CLSTN1: variants seen among roughly 807,000 people sequenced by gnomAD.
The protein encoded by CLSTN1 is calsyntenin 1.
CLSTN1 carries 28 observed loss-of-function variants against 108.3 expected under a neutral mutation model. That is an observed-to-expected ratio of 0.26 (90% CI 0.19 to 0.35). CLSTN1 has a LOEUF of 0.35. CLSTN1 is among the 10% of genes least tolerant of loss of function. The pLI is 1.00. For synonymous variants in CLSTN1, 524 were observed against 534.9 expected, an observed-to-expected ratio of 0.98 and a Z score of 0.28; for missense variants, 1,157 against 1,302.6, an observed-to-expected ratio of 0.89 and a Z score of 1.72.
intron 1 of CLSTN1, among the ~76,000 whole-genome samples, chr1:9,803,034 G>C (rs1206339570): frequency 6.6e-6 from 1 of 151,954 alleles, no homozygotes; most frequent in Non-Finnish European, 1.5e-5. Flanking sequence ...ATGTTGTCCA[G>C]GCTGGTCTCA....
intron 2 of CLSTN1, among the ~76,000 whole-genome samples, chr1:9,757,651 T>C (rs1651883348): frequency 6.6e-6 from 1 of 152,226 alleles, no homozygotes; most frequent in Non-Finnish European, 1.5e-5. Flanking sequence ...TAATGGAACA[T>C]CTGCTTAAAT....
In CLSTN1 at chr1:9,730,405, C is replaced by G. The variant is rs997996836; in HGVS notation, c.*103G>C. ...TCGTGGCGGGGAGGGGTCTGCACACCTACTGGCCGAAATGACTTTGTACAT... is the reference window on the plus strand; with the variant it reads ...TCGTGGCGGGGAGGGGTCTGCACACGTACTGGCCGAAATGACTTTGTACAT... On this transcript the variant is annotated 3_prime_UTR_variant, in exon 19 of 19. Coordinates refer to ENST00000377298, the MANE Select transcript of CLSTN1 (RefSeq NM_001009566.3). This position sits in a 1 kb window ranked among gnomAD's most constrained non-coding sequence, Gnocchi z 5.6. 1 of 1,109,556 alleles carries G rather than the reference C, an allele frequency of 9.0e-7. No individual in the cohort carries two copies. The highest frequency in any genetic ancestry group is 1.3e-6 in the Non-Finnish European group (1 of 748,658). 68.7% of individuals were successfully genotyped at this position (1,109,556 alleles called of 1,614,324 possible).
At chr1:9,753,493 A>AT (rs112701748) in intron 4 of CLSTN1, among the ~76,000 whole-genome samples, 1,690 of 143,114 alleles carry the variant, frequency 0.012, 16 homozygotes, top group East Asian at 0.044. Context: ...GCAGTGACTA[A>AT]TTTTTTTTTT....
In CLSTN1 at chr1:9,768,048, G is replaced by A. The variant is rs562337727; in HGVS notation, c.214+5224C>T. On this transcript the variant is annotated intron_variant, in intron 2 of 18. Coordinates refer to ENST00000377298, the MANE Select transcript of CLSTN1 (RefSeq NM_001009566.3). ...ATCCTTTTACAAATGATGAAATGGA[G>A]GCACAGAAAGGGTAAGTAATTTGCC... Among the ~76,000 whole-genome samples, 14 of 152,262 alleles carry A rather than the reference G, an allele frequency of 9.2e-5. No homozygotes were observed. In the Middle Eastern group the frequency reaches 0.01, roughly 111 times the overall value.
intron 1 of CLSTN1, among the ~76,000 whole-genome samples, chr1:9,809,844 T>G (rs1654656478): frequency 6.8e-6 from 1 of 147,518 alleles, no homozygotes; most frequent in East Asian, 2.1e-4. Flanking sequence ...GAGGTTGCAG[T>G]GAACCGAGAT....
chr1:9,766,833 C>A (rs1287010461), intron 2 of CLSTN1, among the ~76,000 whole-genome samples: 1 of 152,226 alleles, frequency 6.6e-6, no homozygotes, highest in Non-Finnish European at 1.5e-5. Flanking sequence ...AGGAAACAAT[C>A]CGGGCGAGAC....
intron 2 of CLSTN1, among the ~76,000 whole-genome samples, chr1:9,763,025 A>C (rs1042161651): frequency 6.6e-6 from 1 of 151,932 alleles, no homozygotes; most frequent in African/African-American, 2.4e-5. Flanking sequence ...GCAGTGGCAC[A>C]ACCTCAGCTC....
chr1:9,788,346 G>A (rs535420326), intron 1 of CLSTN1, among the ~76,000 whole-genome samples: 2 of 151,470 alleles, frequency 1.3e-5, no homozygotes, highest in African/African-American at 4.8e-5. Context: ...CGACATGGGT[G>A]GATCACCTGA....
intron 1 of CLSTN1, among the ~76,000 whole-genome samples, chr1:9,808,104 T>C (rs1280125288): frequency 2.0e-5 from 3 of 152,162 alleles, no homozygotes; most frequent in Non-Finnish European, 4.4e-5. Flanking sequence ...AGGGTAGTGG[T>C]TCCAGGACGC....
intron 1 of CLSTN1, among the ~76,000 whole-genome samples, chr1:9,797,876 T>C (rs900868131): frequency 7.2e-5 from 11 of 151,782 alleles, no homozygotes; most frequent in African/African-American, 2.4e-4. Context: ...GGCAGATCAC[T>C]TGCGACCAGG....
chr1:9,774,334 C>G (rs149439697), intron 1 of CLSTN1, among the ~76,000 whole-genome samples: 200 of 151,992 alleles, frequency 1.3e-3, no homozygotes, highest in African/African-American at 4.6e-3. Context: ...GGGAGGCTGA[C>G]GAGGGCGGAT....
chr1:9,736,119 G>A, intron 11 of CLSTN1, 77 bp from the exon 12 acceptor site: 1 of 1,575,748 alleles, frequency 6.3e-7, no homozygotes, highest in Non-Finnish European at 8.7e-7. Context: ...TCAACACGGT[G>A]TTACCGGTGC....
Position 9,823,791 on chromosome 1 carries a change from G to T in CLSTN1, c.-58C>A. On this transcript the variant is annotated 5_prime_UTR_variant, in exon 1 of 19. Transcript: ENST00000377298. The surrounding 1 kb of genome is among the most constrained non-coding windows in gnomAD (Gnocchi z 6.3). ...CGCGGGACGCCGAGCGGAGCTCTCG[G>T]AGCTCTCGGGGCTCTAGGGGCCTGG... 1 of 890,840 alleles carries T rather than the reference G, an allele frequency of 1.1e-6. No individual in the cohort carries two copies. Among genetic ancestry groups the T allele is most frequent in the South Asian group, 5.1e-5 (1 of 19,748 alleles). The allele number at this position is 890,840 out of a possible 1,614,324, so 55.2% of individuals were successfully genotyped here.
At position 9,823,416 on chromosome 1, in the gene CLSTN1, G is replaced by A. The variant is rs1402462620; in HGVS notation, c.91+227C>T. 1.3e-5 allele frequency among the ~76,000 whole-genome samples: 2 copies of A among 152,088 alleles called. No homozygotes were observed. The highest frequency in any genetic ancestry group is 2.9e-5 in the Non-Finnish European group (2 of 67,976). Reference sequence around the variant, plus strand: ...GGGACGCCTGCAGCGCGCGCCCACAGTCTCCTGCGCCCTGGCCCCGGCTCC... The same window carrying A: ...GGGACGCCTGCAGCGCGCGCCCACAATCTCCTGCGCCCTGGCCCCGGCTCC... On this transcript the variant is annotated intron_variant, in intron 1 of 18. Transcript: ENST00000377298. The surrounding 1 kb of genome is among the most constrained non-coding windows in gnomAD (Gnocchi z 6.3).
At chr1:9,753,190 G>T (rs959433719) in intron 4 of CLSTN1, among the ~76,000 whole-genome samples, 1 of 152,172 alleles carries the variant, frequency 6.6e-6, no homozygotes, top group African/African-American at 2.4e-5. Context: ...TCCCTGGCAT[G>T]CTCAGTTCAC....
chr1:9,759,002 A>C (rs1651945426), intron 2 of CLSTN1, among the ~76,000 whole-genome samples: 1 of 152,080 alleles, frequency 6.6e-6, no homozygotes, highest in Non-Finnish European at 1.5e-5. Flanking sequence ...AATGTGAAAA[A>C]TCCAGTTCCT....
At chr1:9,816,539 A>ATT (rs1654979244) in intron 1 of CLSTN1, among the ~76,000 whole-genome samples, 3 of 147,406 alleles carry the variant, frequency 2.0e-5, no homozygotes, top group Admixed American at 7.0e-5. Context: ...GCTGCTTTAA[A>ATT]AAAAAAAAAA....
At position 9,800,485 on chromosome 1, in the gene CLSTN1, C is replaced by G. The variant is rs564955097; in HGVS notation, c.91+23158G>C. Among the ~76,000 whole-genome samples the G allele has an allele frequency of 9.5e-5, 14 of 148,018 alleles. No homozygotes were observed. The East Asian group carries it at 2.6e-3, about 27-fold the overall frequency. Reference sequence around the variant, plus strand: ...CTGTAATCCCAGAACTTTGGGAGGCCGAGACAGGAGGATCACGAGGTCAGG... The same window carrying G: ...CTGTAATCCCAGAACTTTGGGAGGCGGAGACAGGAGGATCACGAGGTCAGG... On this transcript the variant is annotated intron_variant, in intron 1 of 18. Transcript: ENST00000377298.
At chr1:9,754,309 C>T (rs1651707690) in intron 4 of CLSTN1, among the ~76,000 whole-genome samples, 2 of 152,252 alleles carry the variant, frequency 1.3e-5, no homozygotes, top group South Asian at 4.1e-4. Context: ...CGCCTGTAAT[C>T]CTAGCACTTT....
Sources: allele counts gnomAD v4.1 joint callset (sites outside exome capture counted in the v4.1 genomes callset), GRCh38; gene constraint gnomAD v4.1.1; non-coding constraint Gnocchi (gnomAD v3.1); transcripts MANE v1.5; gene names NCBI Gene and HGNC (gene_info 2026-07-23, HGNC 2026-07-21).